The following ADGRL3 variants were observed in gnomAD, a reference collection of about 807,000 sequenced individuals.
The protein encoded by ADGRL3 is calcium-independent alpha-latrotoxin receptor 3.
A neutral mutation model predicts 153.5 loss-of-function variants in ADGRL3; 62 were observed. That is an observed-to-expected ratio of 0.40 (90% CI 0.33 to 0.50). The LOEUF (loss-of-function observed/expected upper bound fraction) is 0.50, where lower values mean the gene tolerates loss of function less well. ADGRL3 is among the 20% of genes least tolerant of loss of function. The probability of loss-of-function intolerance (pLI) is 0.47; values close to 1 mark genes in which losing one functional copy is unlikely to be tolerated. For synonymous variants in ADGRL3, 710 were observed against 672.5 expected, an observed-to-expected ratio of 1.06 and a Z score of -0.86; for missense variants, 1,641 against 1,859.4, an observed-to-expected ratio of 0.88 and a Z score of 2.16.
chr4:61,878,303 T>C (rs556876413), intron 9 of ADGRL3, among the ~76,000 whole-genome samples: 1 of 152,308 alleles, frequency 6.6e-6, no homozygotes, highest in East Asian at 1.9e-4. Context: ...GATTAGAACT[T>C]CAATGTATGA....
chr4:61,208,456 T>A (rs1486916765), intron 1 of ADGRL3, among the ~76,000 whole-genome samples: 1 of 152,188 alleles, frequency 6.6e-6, no homozygotes, highest in African/African-American at 2.4e-5. Context: ...ACTATCATCA[T>A]CATTATTATT....
At chr4:61,688,234 A>G (rs1383041284) in intron 6 of ADGRL3, among the ~76,000 whole-genome samples, 2 of 152,138 alleles carry the variant, frequency 1.3e-5, no homozygotes, top group African/African-American at 2.4e-5. Context: ...GTTTCTTAGT[A>G]TATCTCTATG....
chr4:61,600,307 CAAAAA>C (rs60557691), intron 5 of ADGRL3, among the ~76,000 whole-genome samples: 93 of 61,780 alleles, frequency 1.5e-3, no homozygotes, highest in African/African-American at 5.6e-3. Flanking sequence ...GGCTGCCTTG[CAAAAA>C]AAAAAAAAAA....
intron 17 of ADGRL3, among the ~76,000 whole-genome samples, chr4:61,978,467 G>C (rs906111172): frequency 6.6e-5 from 10 of 152,008 alleles, no homozygotes; most frequent in Non-Finnish European, 1.3e-4. Flanking sequence ...TATCTATTCT[G>C]CTACTGATAG....
chr4:61,740,989 G>C (rs1454600918), intron 8 of ADGRL3, among the ~76,000 whole-genome samples: 1 of 152,162 alleles, frequency 6.6e-6, no homozygotes, highest in Admixed American at 6.5e-5. Context: ...CAAATTAAGT[G>C]CATTTGTATC....
chr4:61,343,888 T>A (rs73825122), intron 1 of ADGRL3, among the ~76,000 whole-genome samples: 1 of 152,234 alleles, frequency 6.6e-6, no homozygotes, highest in Non-Finnish European at 1.5e-5. Flanking sequence ...TCAGATTATC[T>A]TTAGCATTAT....
intron 19 of ADGRL3, among the ~76,000 whole-genome samples, chr4:61,990,259 T>C (rs1308054308): frequency 1.3e-5 from 2 of 152,008 alleles, no homozygotes; most frequent in African/African-American, 4.8e-5. Flanking sequence ...AAAATTATTA[T>C]GTTAAGTGAC....
At chr4:61,345,061 G>A (rs552524058) in intron 1 of ADGRL3, among the ~76,000 whole-genome samples, 2 of 151,768 alleles carry the variant, frequency 1.3e-5, no homozygotes, top group Non-Finnish European at 2.9e-5. Flanking sequence ...GCCTTTCAAA[G>A]TGCTGGGATT....
intron 8 of ADGRL3, among the ~76,000 whole-genome samples, chr4:61,743,324 C>CAAAA (rs752363213): frequency 4.9e-4 from 25 of 50,760 alleles, no homozygotes; most frequent in African/African-American, 1.0e-3. Flanking sequence ...GACTCCATCT[C>CAAAA]AAAAAAAAAA....
At chr4:61,245,124 C>T (rs1756531675) in intron 1 of ADGRL3, among the ~76,000 whole-genome samples, 1 of 151,986 alleles carries the variant, frequency 6.6e-6, no homozygotes, top group Admixed American at 6.6e-5. Flanking sequence ...CTCTCTGAAG[C>T]ACATTCAATT....
chr4:61,568,492 G>A lies in ADGRL3; in HGVS notation c.260-18735G>A, dbSNP rs187216480. Among the ~76,000 whole-genome samples the A allele has an allele frequency of 1.0e-3, 154 of 152,184 alleles. 1 individual carries two copies. The highest frequency in any genetic ancestry group is 3.5e-3 in the Admixed American group (54 of 15,268). On this transcript the variant is annotated intron_variant, in intron 4 of 26. Coordinates refer to ENST00000683033, the MANE Select transcript of ADGRL3 (RefSeq NM_001387552.1). ...CTATGCTTAATAAATTGAAGCAGTA[G>A]AAGAAGAAAGGCATTGTGAAGTAAT...
chr4:61,639,059 G>C (rs1044946535), intron 5 of ADGRL3, among the ~76,000 whole-genome samples: 13 of 152,024 alleles, frequency 8.6e-5, no homozygotes, highest in Non-Finnish European at 1.5e-4. Context: ...AACAAAACCT[G>C]GTTACTGAAA....
chr4:61,936,655 A>G (rs1185390349), intron 15 of ADGRL3, among the ~76,000 whole-genome samples: 3 of 151,988 alleles, frequency 2.0e-5, no homozygotes, highest in Non-Finnish European at 4.4e-5. Context: ...ATATATGTGC[A>G]TGTATCTGTA....
At chr4:61,511,765 T>C (rs750905361) in intron 3 of ADGRL3, among the ~76,000 whole-genome samples, 4 of 152,134 alleles carry the variant, frequency 2.6e-5, no homozygotes, top group Non-Finnish European at 5.9e-5. Context: ...TGTTACTACT[T>C]AGCTTAGCTG....
intron 1 of ADGRL3, among the ~76,000 whole-genome samples, chr4:61,365,513 G>A (rs10517532): frequency 0.048 from 7,318 of 152,288 alleles, 550 homozygotes; most frequent in African/African-American, 0.16. Context: ...CACTTACCCT[G>A]TGTTTTCAGG....
rs1362641622 is a variant in ADGRL3, at chr4:61,754,373, AT to A, written c.1399+20820del. Among the ~76,000 whole-genome samples, 8 of 152,158 alleles carry A rather than the reference AT, an allele frequency of 5.3e-5. No homozygotes were observed. The East Asian group carries it at 1.5e-3, about 29-fold the overall frequency. On this transcript the variant is annotated intron_variant, in intron 8 of 26. Coordinates refer to ENST00000683033, the MANE Select transcript of ADGRL3 (RefSeq NM_001387552.1). ...ACAAATAAATATTTTATTTTTCTTT[AT>A]AGTTTCCCAGATTGTTGTAAGGTAT...
chr4:61,456,170 A>G (rs1233931013), intron 2 of ADGRL3, among the ~76,000 whole-genome samples: 1 of 151,632 alleles, frequency 6.6e-6, no homozygotes, highest in Non-Finnish European at 1.5e-5. Flanking sequence ...TATGAAGCCT[A>G]TTACTTTAAA....
intron 1 of ADGRL3, among the ~76,000 whole-genome samples, chr4:61,317,205 C>A (rs1333134075): frequency 6.6e-6 from 1 of 152,160 alleles, no homozygotes; most frequent in African/African-American, 2.4e-5. Flanking sequence ...GCCTGGATTA[C>A]CTGTTCTTCA....
At chr4:61,322,848 G>A (rs2095388667) in intron 1 of ADGRL3, among the ~76,000 whole-genome samples, 3 of 152,208 alleles carry the variant, frequency 2.0e-5, no homozygotes, top group Admixed American at 2.0e-4. Flanking sequence ...GGAGTCTGGA[G>A]GATGGTGGTC....
Sources: allele counts gnomAD v4.1 joint callset (sites outside exome capture counted in the v4.1 genomes callset), GRCh38; gene constraint gnomAD v4.1.1; transcripts MANE v1.5; gene names NCBI Gene and HGNC (gene_info 2026-07-23, HGNC 2026-07-21).